EDIL3: variants seen among roughly 807,000 people sequenced by gnomAD.
The protein encoded by EDIL3 is EGF-like repeat and discoidin I-like domain-containing protein 3.
Under a neutral mutation model 67.4 loss-of-function variants are expected in EDIL3, and 37 were observed. The ratio of observed to expected loss-of-function variants is 0.55; its 90% CI spans 0.42 to 0.72. The LOEUF (loss-of-function observed/expected upper bound fraction) is 0.72. Ranked by LOEUF, EDIL3 falls within the 30% of genes least tolerant of loss-of-function variation. EDIL3 has a pLI of 0.00. For synonymous variants in EDIL3, 195 were observed against 196.3 expected (o/e 0.99, Z 0.05); for missense variants, 527 against 586.3 (o/e 0.90, Z 1.04).
At chr5:84,044,717 C>A (rs1428926) in intron 9 of EDIL3, among the ~76,000 whole-genome samples, 1 of 151,810 alleles carries the variant, frequency 6.6e-6, no homozygotes, top group Non-Finnish European at 1.5e-5. Flanking sequence ...GCTCTGCGGG[C>A]GGTAGAAAGC....
chr5:84,282,823 C>T (rs532451255), intron 1 of EDIL3, among the ~76,000 whole-genome samples: 1 of 152,072 alleles, frequency 6.6e-6, no homozygotes, highest in Non-Finnish European at 1.5e-5. Flanking sequence ...GATTTCTGTT[C>T]AGCTTTCTTT....
chr5:84,246,391 G>A (rs571065142), intron 2 of EDIL3, among the ~76,000 whole-genome samples: 4 of 152,274 alleles, frequency 2.6e-5, no homozygotes, highest in South Asian at 2.1e-4. Flanking sequence ...GACTGCAGAC[G>A]CAGATATGAG....
intron 6 of EDIL3, among the ~76,000 whole-genome samples, chr5:84,090,090 A>G (rs1747137920): frequency 6.6e-6 from 1 of 152,206 alleles, no homozygotes; most frequent in African/African-American, 2.4e-5. Flanking sequence ...TCATAACTTA[A>G]TTATTGAAGG....
chr5:84,326,294 C>T (rs1363382523), intron 1 of EDIL3, among the ~76,000 whole-genome samples: 1 of 151,608 alleles, frequency 6.6e-6, no homozygotes, highest in African/African-American at 2.4e-5. Context: ...TCTGCTATAG[C>T]AATATAAAAT....
Position 83,943,478 on chromosome 5 carries a change from AC to A in EDIL3, c.1383del (p.Trp461CysfsTer82). 1 of 1,612,806 alleles carries A rather than the reference AC, an allele frequency of 6.2e-7. No homozygotes were observed. On this transcript the variant is annotated frameshift_variant, in exon 11 of 11. Transcript: ENST00000296591. LOFTEE classifies it high-confidence loss of function. Reference protein sequence around the residue: ...IYARHIRILPWSWYGRITLRS... With the variant: ...IYARHIRILPXSWYGRITLRS... ...CGCAATGTGATCCTCCCGTACCAGGACCAAGGAAGGATTCTTATGTGTCGTG... is the reference window on the plus strand; with the variant it reads ...CGCAATGTGATCCTCCCGTACCAGGACAAGGAAGGATTCTTATGTGTCGTG...
intron 9 of EDIL3, among the ~76,000 whole-genome samples, chr5:84,021,170 CA>C (rs1745707297): frequency 6.6e-6 from 1 of 151,658 alleles, no homozygotes; most frequent in African/African-American, 2.4e-5. Context: ...GTTATCTTTT[CA>C]AAAAAATTCT....
intron 2 of EDIL3, 78 bp downstream of exon 2, chr5:84,254,006 T>G: frequency 6.9e-7 from 1 of 1,455,220 alleles, no homozygotes. Context: ...CTAATCTCCA[T>G]AATGCACCAC....
intron 5 of EDIL3, among the ~76,000 whole-genome samples, chr5:84,135,702 G>A (rs892320890): frequency 7.9e-5 from 12 of 152,110 alleles, no homozygotes; most frequent in Non-Finnish European, 1.2e-4. Context: ...ATGACTATTG[G>A]TCTAGTTGGC....
intron 1 of EDIL3, among the ~76,000 whole-genome samples, chr5:84,313,846 T>C (rs1010255579): frequency 6.6e-6 from 1 of 152,042 alleles, no homozygotes; most frequent in East Asian, 1.9e-4. Context: ...ATACTAAAGG[T>C]ATAAATAGAG....
In EDIL3 at chr5:84,064,821, G is replaced by T. The variant is rs772635657; in HGVS notation, c.831C>A (p.Asn277Lys). Reference sequence around the variant, plus strand: ...TGAAAGAGTTAGCATATGGAGTGTTGTTATCAATGTTTCCACGAAACACCT... The same window carrying T: ...TGAAAGAGTTAGCATATGGAGTGTTTTTATCAATGTTTCCACGAAACACCT... The part of the protein sequence containing the change: ...EDMVFRGNID[N>K]NTPYANSFTP... Residue 277 changes from asparagine to lysine, a missense_variant, in exon 8 of 11, where the codon AAC becomes AAA. Around this residue, in one of 2 missense-constraint regions of EDIL3, gnomAD observed 494 missense variants for 522.5 expected, o/e 0.95. Coordinates refer to ENST00000296591, the MANE Select transcript of EDIL3 (RefSeq NM_005711.5). 1.2e-5 allele frequency: 19 copies of T among 1,611,254 alleles called. No individual in the cohort carries two copies. The Admixed American group carries it at 3.2e-4, about 27-fold the overall frequency.
At chr5:84,251,370 C>T (rs1226621461) in intron 2 of EDIL3, among the ~76,000 whole-genome samples, 1 of 151,122 alleles carries the variant, frequency 6.6e-6, no homozygotes, top group African/African-American at 2.4e-5. Flanking sequence ...CTCGGCCTTC[C>T]AAAGTGCTGG....
At position 84,384,363 on chromosome 5, in the gene EDIL3, C is replaced by A. The variant is rs755797208; in HGVS notation, c.12G>T (p.Ser4=). MKR[S]VAVWLLVGLS... ...GCCCGACCAAGAGCCAGACGGCTACCGAGCGCTTCATGATCCCGTCTCCCG... is the reference window on the plus strand; with the variant it reads ...GCCCGACCAAGAGCCAGACGGCTACAGAGCGCTTCATGATCCCGTCTCCCG... The change falls in exon 1 of 11, where the codon TCG becomes TCT. Residue 4 remains serine, a synonymous_variant. Coordinates refer to ENST00000296591, the MANE Select transcript of EDIL3 (RefSeq NM_005711.5). The A allele has an allele frequency of 2.5e-6, 4 of 1,612,624 alleles. No homozygotes were observed. The highest frequency in any genetic ancestry group is 3.4e-6 in the Non-Finnish European group (4 of 1,179,396).
At chr5:84,264,245 CCAAA>C (rs1251683076) in intron 1 of EDIL3, among the ~76,000 whole-genome samples, 4 of 152,100 alleles carry the variant, frequency 2.6e-5, no homozygotes, top group Admixed American at 1.3e-4. Flanking sequence ...GACTATGTCT[CCAAA>C]CAAACAAACA....
At chr5:84,373,227 A>T (rs180676158) in intron 1 of EDIL3, among the ~76,000 whole-genome samples, 2 of 152,028 alleles carry the variant, frequency 1.3e-5, no homozygotes, top group Non-Finnish European at 2.9e-5. Context: ...ATCCTCCCCA[A>T]CATTTCTTGG....
At chr5:83,991,105 C>T (rs904628794) in intron 9 of EDIL3, among the ~76,000 whole-genome samples, 33 of 152,038 alleles carry the variant, frequency 2.2e-4, no homozygotes, top group African/African-American at 8.0e-4. Context: ...CTTTTTAGAT[C>T]CTGAAACTTT....
At chr5:84,383,361 G>A (rs1748130679) in intron 1 of EDIL3, among the ~76,000 whole-genome samples, 1 of 152,232 alleles carries the variant, frequency 6.6e-6, no homozygotes, top group South Asian at 2.1e-4. Context: ...GGTTTGTATG[G>A]ACAAGCTGCA....
rs1048385871 is a variant in EDIL3, at chr5:84,034,368, A to AT, written c.1137+25931dup. 1.7e-3 allele frequency among the ~76,000 whole-genome samples: 258 copies of AT among 151,792 alleles called. 1 individual carries two copies. Among genetic ancestry groups the AT allele is most frequent in the African/African-American group, 4.8e-3 (197 of 41,388 alleles). Reference sequence around the variant, plus strand: ...AAGACTGAAGGATATGCTGTGTGTGATTTTTTTTTATTTTGTCCACATTTT... The same window carrying AT: ...AAGACTGAAGGATATGCTGTGTGTGATTTTTTTTTTATTTTGTCCACATTTT... On this transcript the variant is annotated intron_variant, in intron 9 of 10. Coordinates refer to ENST00000296591, the MANE Select transcript of EDIL3 (RefSeq NM_005711.5).
rs189411409 is a variant in EDIL3, at chr5:84,147,500, C to A, written c.356-10146G>T. ...CCCAACTGATTTTAAGGTGGTTATGCCAATTTGCACTCTTATCACCAATTA... is the reference window on the plus strand; with the variant it reads ...CCCAACTGATTTTAAGGTGGTTATGACAATTTGCACTCTTATCACCAATTA... On this transcript the variant is annotated intron_variant, in intron 4 of 10. Transcript: ENST00000296591. 1.1e-3 allele frequency among the ~76,000 whole-genome samples: 170 copies of A among 151,854 alleles called. 4 individuals are homozygous for A. Among genetic ancestry groups the A allele is most frequent in the Admixed American group, 0.01 (158 of 15,230 alleles).
At chr5:84,377,331 G>T (rs1336073511) in intron 1 of EDIL3, among the ~76,000 whole-genome samples, 1 of 150,704 alleles carries the variant, frequency 6.6e-6, no homozygotes, top group East Asian at 2.0e-4. Context: ...AAAAAAGAGT[G>T]AAGCAGAGAT....
Sources: gnomAD v4.1 joint callset for allele counts (sites outside exome capture counted in the v4.1 genomes callset) on GRCh38, gnomAD v4.1.1 for gene constraint, gnomAD v4.1.1 regional missense constraint, MANE v1.5 for transcripts, NCBI Gene and HGNC (gene_info 2026-07-23, HGNC 2026-07-21) for gene names.